PRKD3: variants seen among roughly 807,000 people sequenced by gnomAD.
PRKD3 encodes the protein protein kinase D3, also known as serine/threonine-protein kinase D3.
PRKD3 carries 47 observed loss-of-function variants against 99.2 expected under a neutral mutation model. The observed-to-expected ratio is 0.47, with a 90% CI of 0.38 to 0.60. The LOEUF (loss-of-function observed/expected upper bound fraction) is 0.60. Among genes scored for constraint, PRKD3 ranks in the 20% least tolerant of loss-of-function variants. The probability of loss-of-function intolerance (pLI) is 0.00; values close to 1 mark genes in which losing one functional copy is unlikely to be tolerated. For synonymous variants in PRKD3, 392 were observed against 355.4 expected, an observed-to-expected ratio of 1.10 and a Z score of -1.16; for missense variants, 1,019 against 1,088.4, an observed-to-expected ratio of 0.94 and a Z score of 0.90.
chr2:37,283,040 A>C (rs750952051), intron 6 of PRKD3, among the ~76,000 whole-genome samples: 2 of 152,250 alleles, frequency 1.3e-5, no homozygotes, highest in Non-Finnish European at 2.9e-5. Context: ...AAGGGCTTTC[A>C]CATACAACCC....
chr2:37,263,566 A>AT (rs1298085801), intron 14 of PRKD3, among the ~76,000 whole-genome samples: 1 of 152,008 alleles, frequency 6.6e-6, no homozygotes, highest in Non-Finnish European at 1.5e-5. Flanking sequence ...TTATGGTGTT[A>AT]TTTGGTGTAG....
chr2:37,259,532 G>T (rs780447860), intron 16 of PRKD3, 51 bp downstream of exon 16: 5 of 1,387,494 alleles, frequency 3.6e-6, no homozygotes, highest in South Asian at 2.4e-5. Context: ...TTATGTGGGT[G>T]CTTTGAAAAT....
intron 2 of PRKD3, among the ~76,000 whole-genome samples, chr2:37,294,901 C>G (rs1027149374): frequency 7.9e-5 from 12 of 152,190 alleles, no homozygotes; most frequent in Non-Finnish European, 1.5e-4. Flanking sequence ...ATGGTGAAAC[C>G]CTGTCTCTGA....
At chr2:37,270,211 G>C (rs1033526107) in intron 12 of PRKD3, among the ~76,000 whole-genome samples, 2 of 151,472 alleles carry the variant, frequency 1.3e-5, no homozygotes, top group Non-Finnish European at 2.9e-5. Context: ...TGGGCAACAA[G>C]AGCGAGACTC....
intron 7 of PRKD3, among the ~76,000 whole-genome samples, chr2:37,281,961 G>T (rs1057153540): frequency 2.0e-5 from 3 of 152,166 alleles, no homozygotes; most frequent in Non-Finnish European, 2.9e-5. Context: ...AAGGGAAAAT[G>T]GACAACGATT....
At position 37,253,074 on chromosome 2, in the gene PRKD3, A is replaced by AT; in HGVS notation, c.*102dup. 1 of 1,199,420 alleles carries AT rather than the reference A, an allele frequency of 8.3e-7. No homozygotes were observed. The highest frequency in any genetic ancestry group is 1.2e-6 in the Non-Finnish European group (1 of 866,710). The allele number at this position is 1,199,420 out of a possible 1,614,324, so 74.3% of individuals were successfully genotyped here. On this transcript the variant is annotated 3_prime_UTR_variant, in exon 19 of 19. Coordinates refer to ENST00000234179, the MANE Select transcript of PRKD3 (RefSeq NM_005813.6). ...CACTTATTCGTTATCATATTTCTTC[A>AT]TATCTTTGCAGCACTGCAGATGACA...
At position 37,314,730 on chromosome 2, in the gene PRKD3, A is replaced by T. The variant is rs1671583417; in HGVS notation, c.288+1507T>A. Among the ~76,000 whole-genome samples the T allele has an allele frequency of 2.6e-5, 4 of 152,278 alleles. No individual in the cohort carries two copies. In the South Asian group the frequency reaches 8.3e-4, roughly 32 times the overall value. ...TTATGAGTTTCTATGGTTTCAAATA[A>T]AAAGGGAACATTATATTTAAGTTAC... On this transcript the variant is annotated intron_variant, in intron 2 of 18. Transcript: ENST00000234179.
At chr2:37,298,546 T>A (rs1558567428) in intron 2 of PRKD3, among the ~76,000 whole-genome samples, 1 of 152,196 alleles carries the variant, frequency 6.6e-6, no homozygotes, top group Non-Finnish European at 1.5e-5. Context: ...AAAATTATCA[T>A]GAGAATACGT....
chr2:37,316,486 A>G lies in PRKD3; in HGVS notation c.39T>C (p.Ser13=). 6.2e-7 allele frequency: 1 copy of G among 1,614,244 alleles called. No homozygotes were observed. Among genetic ancestry groups the G allele is most frequent in the African/African-American group, 1.3e-5 (1 of 75,070 alleles). ...ANNSPPSAQK[S]VLPTAIPAVL... The stretch of plus-strand genomic sequence containing the variant: ...CAGCAGGAATAGCTGTGGGTAATAC[A>G]GACTTCTGGGCTGATGGAGGGGAAT... The change falls in exon 2 of 19, where the codon TCT becomes TCC. Residue 13 remains serine (S), a synonymous_variant. Transcript: ENST00000234179.
In PRKD3 at chr2:37,275,797, AAAT is replaced by A. The variant is rs1490059420; in HGVS notation, c.1341_1343del (p.Leu447del). On this transcript the variant is annotated inframe_deletion, in exon 10 of 19. Coordinates refer to ENST00000234179, the MANE Select transcript of PRKD3 (RefSeq NM_005813.6). The stretch of plus-strand genomic sequence containing the variant: ...AATACTTTGATCCAGATTCATTCTG[AAAT>A]AATGTTAGACATTTGCTGTCAAGTC... 1 of 1,610,294 alleles carries A rather than the reference AAAT, an allele frequency of 6.2e-7. No individual in the cohort carries two copies. Among genetic ancestry groups the A allele is most frequent in the Non-Finnish European group, 8.5e-7 (1 of 1,178,322 alleles).
rs1276873876 is a variant in PRKD3 at position 37,316,359 on chromosome 2, A to T, written c.166T>A (p.Ser56Thr). The T allele has an allele frequency of 1.2e-6, 2 of 1,614,194 alleles. No homozygotes were observed. Among genetic ancestry groups the T allele is most frequent in the Admixed American group, 3.3e-5 (2 of 60,030 alleles). Reference sequence around the variant, plus strand: ...AGTAGAAATGAAACTGTATGCACTGAGCCTCTGGAGTTGGTGAGTGATGGT... The same window carrying T: ...AGTAGAAATGAAACTGTATGCACTGTGCCTCTGGAGTTGGTGAGTGATGGT... Reference protein sequence around the residue: ...SAPSLTNSRGSVHTVSFLLQI... With the variant: ...SAPSLTNSRGTVHTVSFLLQI... Residue 56 changes from serine (S) to threonine (T), a missense_variant, in exon 2 of 19, where the codon TCA becomes ACA. By Grantham distance (58) the Ser-to-Thr change is moderately conservative. Coordinates refer to ENST00000234179, the MANE Select transcript of PRKD3 (RefSeq NM_005813.6).
intron 11 of PRKD3, among the ~76,000 whole-genome samples, chr2:37,272,709 G>A (rs1023538194): frequency 2.6e-5 from 4 of 152,160 alleles, no homozygotes; most frequent in African/African-American, 7.2e-5. Flanking sequence ...TTATTACTGA[G>A]TTAAAAAGGG....
At chr2:37,267,040 A>G (rs934401894) in intron 14 of PRKD3, among the ~76,000 whole-genome samples, 6 of 152,198 alleles carry the variant, frequency 3.9e-5, no homozygotes, top group African/African-American at 1.2e-4. Context: ...TTACAAAATT[A>G]GAGTTTTTAA....
At chr2:37,263,203 G>A (rs960358871) in intron 14 of PRKD3, among the ~76,000 whole-genome samples, 5 of 152,050 alleles carry the variant, frequency 3.3e-5, no homozygotes, top group Admixed American at 2.0e-4. Flanking sequence ...GTACAAAGGC[G>A]CTGATATATA....
chr2:37,287,225 C>A, intron 5 of PRKD3, among the ~76,000 whole-genome samples: 3 of 55,112 alleles, frequency 5.4e-5, no homozygotes, highest in African/African-American at 7.6e-5. Context: ...AGCGAAACTC[C>A]ATCTCAAAAA....
At chr2:37,260,079 C>T in intron 15 of PRKD3, 144 bp downstream of exon 15, 1 of 704,990 alleles carries the variant, frequency 1.4e-6, no homozygotes, top group Admixed American at 3.0e-5. Flanking sequence ...GCATGAGAAT[C>T]ACTTGAATCC....
rs148940540 is a variant in PRKD3, at chr2:37,277,040, CTGT to C, written c.1296+823_1296+825del. 6.6e-3 allele frequency among the ~76,000 whole-genome samples: 998 copies of C among 152,146 alleles called. 8 individuals carry two copies. Among genetic ancestry groups the C allele is most frequent in the Non-Finnish European group, 9.4e-3 (638 of 67,966 alleles). ...AAACACATACACACTGCAGTCTATA[CTGT>C]TGTTATCATACAAAACTTTAGGCCA... is the stretch of plus-strand genomic sequence containing the variant. On this transcript the variant is annotated intron_variant, in intron 9 of 18. Coordinates refer to ENST00000234179, the MANE Select transcript of PRKD3 (RefSeq NM_005813.6).
intron 2 of PRKD3, among the ~76,000 whole-genome samples, chr2:37,305,104 A>G (rs1671099733): frequency 6.6e-6 from 1 of 152,226 alleles, no homozygotes; most frequent in African/African-American, 2.4e-5. Flanking sequence ...AAGAATGGAT[A>G]GAAAAAAAAA....
At chr2:37,264,016 T>C (rs955208117) in intron 14 of PRKD3, among the ~76,000 whole-genome samples, 3 of 152,162 alleles carry the variant, frequency 2.0e-5, no homozygotes, top group Admixed American at 1.3e-4. Context: ...ACCACACCTT[T>C]TCTCCCACTA....
Sources: gnomAD v4.1 joint callset for allele counts (sites outside exome capture counted in the v4.1 genomes callset) on GRCh38, gnomAD v4.1.1 for gene constraint, MANE v1.5 for transcripts, NCBI Gene and HGNC (gene_info 2026-07-23, HGNC 2026-07-21) for gene names.